Variants in AKAP3 observed in about 807,000 individuals in gnomAD.
AKAP3 encodes A-kinase anchoring protein 3, also known as A-kinase anchor protein 3.
In AKAP3, 27 loss-of-function variants were observed where a neutral mutation model predicts 57.2. That is an observed-to-expected ratio of 0.47 (90% CI 0.35 to 0.65). The LOEUF (loss-of-function observed/expected upper bound fraction) is 0.65, where lower values mean the gene tolerates loss of function less well. Ranked by LOEUF, AKAP3 falls within the 30% of genes least tolerant of loss-of-function variation. AKAP3 has a pLI of 0.01. For missense variants in AKAP3, 959 were observed against 1,040.0 expected (o/e 0.92, Z 1.07); for synonymous variants, 334 against 392.3 (o/e 0.85, Z 1.76).
rs749128877 is a variant in AKAP3, at chr12:4,627,360, C to A, written c.1542G>T (p.Glu514Asp). ...SLPPYPPEKP[E>D]NFMYDSDSWA... Reference sequence around the variant, plus strand: ...AGGAGTCTGAATCATACATAAAATTCTCAGGTTTCTCTGGAGGATATGGAG... The same window carrying A: ...AGGAGTCTGAATCATACATAAAATTATCAGGTTTCTCTGGAGGATATGGAG... Residue 514 changes from glutamate to aspartate, a missense_variant, in exon 5 of 6, where the codon GAG (glutamate) becomes GAT (aspartate). Physicochemically the swap from Glu to Asp is conservative, Grantham distance 45. Transcript: ENST00000228850. 1.3e-5 allele frequency: 21 copies of A among 1,613,960 alleles called. No homozygotes were observed. The East Asian group carries it at 4.2e-4, about 33-fold the overall frequency.
Position 4,625,888 on chromosome 12 carries a change from A to G in AKAP3, c.2406+608T>C, listed in dbSNP as rs1414873973. Among the ~76,000 whole-genome samples the G allele has an allele frequency of 1.3e-5, 2 of 152,152 alleles. No homozygotes were observed. Among genetic ancestry groups the G allele is most frequent in the Non-Finnish European group, 2.9e-5 (2 of 68,032 alleles). On this transcript the variant is annotated intron_variant, in intron 5 of 5. Transcript: ENST00000228850. This position sits in a 1 kb window ranked among gnomAD's most constrained non-coding sequence, Gnocchi z 5.4. The stretch of plus-strand genomic sequence containing the variant: ...TTACTGGGCACCTTGGGTGGAGGAC[A>G]AGAACTTATCAGGCACGTTTACCTT...
At chr12:4,634,536 A>T (rs1473769368) in intron 4 of AKAP3, among the ~76,000 whole-genome samples, 1 of 152,180 alleles carries the variant, frequency 6.6e-6, no homozygotes, top group Non-Finnish European at 1.5e-5. Flanking sequence ...CAAGCGAACA[A>T]AAGTCCCCTC....
In AKAP3 at chr12:4,628,734, G is replaced by A. The variant is rs61755981; in HGVS notation, c.168C>T (p.Phe56=). 4.8e-3 allele frequency: 7,806 copies of A among 1,614,168 alleles called. 29 individuals carry two copies. The highest frequency in any genetic ancestry group is 5.7e-3 in the Non-Finnish European group (6,784 of 1,180,010). The change falls in exon 5 of 6, where the codon TTC becomes TTT. Residue 56 remains phenylalanine, a synonymous_variant. Coordinates refer to ENST00000228850, the MANE Select transcript of AKAP3 (RefSeq NM_001278309.2). ...CTCCGGGTTTGAACCGAACATCTTGGAACTCTGCTGTACTCTTCTCCAGGT... is the reference window on the plus strand; with the variant it reads ...CTCCGGGTTTGAACCGAACATCTTGAAACTCTGCTGTACTCTTCTCCAGGT... ...RRDLEKSTAE[F]QDVRFKPGES...
chr12:4,635,629 C>A (rs760409456), intron 4 of AKAP3: 10 of 779,840 alleles, frequency 1.3e-5, no homozygotes, highest in Non-Finnish European at 1.8e-5. Context: ...GACATGCTTG[C>A]CTCTGAAGTT....
At chr12:4,632,766 G>A (rs58050359) in intron 4 of AKAP3, among the ~76,000 whole-genome samples, 2,678 of 152,072 alleles carry the variant, frequency 0.018, 82 homozygotes, top group South Asian at 0.11. Context: ...TCAGCCTCCC[G>A]AGTAGCTGGG....
intron 4 of AKAP3, among the ~76,000 whole-genome samples, chr12:4,632,891 C>T (rs1484193603): frequency 6.6e-6 from 1 of 152,128 alleles, no homozygotes; most frequent in South Asian, 2.1e-4. Context: ...CCGCCTGCCT[C>T]GGCCTCCCAA....
intron 5 of AKAP3, among the ~76,000 whole-genome samples, chr12:4,622,954 T>C (rs1013069432): frequency 3.3e-5 from 5 of 152,070 alleles, no homozygotes; most frequent in East Asian, 3.9e-4. Context: ...CATTAAAAAG[T>C]GGGCAAAGGA....
chr12:4,621,749 A>G (rs1037504137), intron 5 of AKAP3, among the ~76,000 whole-genome samples: 2 of 152,228 alleles, frequency 1.3e-5, no homozygotes, highest in Admixed American at 1.3e-4. Context: ...GCAATGCATG[A>G]GTGGACTAGA....
chr12:4,632,542 C>T (rs74367472), intron 4 of AKAP3, among the ~76,000 whole-genome samples: 14,311 of 152,210 alleles, frequency 0.094, 801 homozygotes, highest in South Asian at 0.15. Flanking sequence ...GCTTGTTTTC[C>T]TAGGGACTGC....
intron 4 of AKAP3, among the ~76,000 whole-genome samples, chr12:4,637,282 C>T (rs1282651225): frequency 1.3e-5 from 2 of 152,204 alleles, no homozygotes; most frequent in African/African-American, 4.8e-5. Context: ...GCATTGTCGA[C>T]AGAGGGTACT....
At position 4,627,271 on chromosome 12, in the gene AKAP3, C is replaced by T. The variant is rs1177629383; in HGVS notation, c.1631G>A (p.Arg544Lys). The change falls in exon 5 of 6, where the codon AGA becomes AAA. Residue 544 changes from arginine to lysine, a missense_variant. Arg to Lys is a conservative substitution (Grantham distance 26). Coordinates refer to ENST00000228850, the MANE Select transcript of AKAP3 (RefSeq NM_001278309.2). Reference sequence around the variant, plus strand: ...TTCAACGAAGCTCCGTGCATCCCTTCTTCCTCCCTGGGCCAGGTGATATTG... The same window carrying T: ...TTCAACGAAGCTCCGTGCATCCCTTTTTCCTCCCTGGGCCAGGTGATATTG... ...LIQYHLAQGG[R>K]RDARSFVEAA... The T allele has an allele frequency of 1.2e-6, 2 of 1,613,940 alleles. No individual in the cohort carries two copies. Among genetic ancestry groups the T allele is most frequent in the African/African-American group, 1.3e-5 (1 of 74,902 alleles).
Position 4,627,054 on chromosome 12 carries a change from C to G in AKAP3, c.1848G>C (p.Lys616Asn), listed in dbSNP as rs765117720. 1.2e-6 allele frequency: 2 copies of G among 1,613,988 alleles called. No individual in the cohort carries two copies. Among genetic ancestry groups the G allele is most frequent in the Non-Finnish European group, 1.7e-6 (2 of 1,179,912 alleles). ...IFKRDQSPEP[K>N]VPEQPVKEDR... ...CTTCCTTAACTGGCTGTTCCGGCAC[C>G]TTGGGTTCAGGGCTCTGGTCACGCT... Residue 616 changes from lysine to asparagine, a missense_variant, in exon 5 of 6, where the codon AAG becomes AAC. Physicochemically the swap from Lys to Asn is moderately conservative, Grantham distance 94. Coordinates refer to ENST00000228850, the MANE Select transcript of AKAP3 (RefSeq NM_001278309.2).
At chr12:4,647,508 G>GAA (rs912322094) in intron 1 of AKAP3, among the ~76,000 whole-genome samples, 1 of 141,382 alleles carries the variant, frequency 7.1e-6, no homozygotes, top group Non-Finnish European at 1.6e-5. Flanking sequence ...CCCCATCTCT[G>GAA]AAAAAAAAAA....
rs879906352 is a variant in AKAP3, at chr12:4,648,968, C to A, written c.-468G>T. On this transcript the variant is annotated 5_prime_UTR_variant, in exon 1 of 6. In the 5' UTR this introduces an upstream ATG that the reference lacks. Transcript: ENST00000228850. ...AGTCTTTTCACTTCCTTTCTTCCCCCTCTCCTTCACTTTCCCAGCTTTCTT... is the reference window on the plus strand; with the variant it reads ...AGTCTTTTCACTTCCTTTCTTCCCCATCTCCTTCACTTTCCCAGCTTTCTT... The A allele has an allele frequency of 1.3e-6, 1 of 754,068 alleles. No homozygotes were observed. The highest frequency in any genetic ancestry group is 2.7e-5 in the East Asian group (1 of 36,910). The allele number at this position is 754,068 out of a possible 1,614,324, so 46.7% of individuals were successfully genotyped here. A position where few individuals can be genotyped will look rare whatever the true frequency, so the allele number is the denominator to read the frequency against.
At position 4,631,949 on chromosome 12, in the gene AKAP3, G is replaced by A. The variant is rs968129390; in HGVS notation, c.97-3144C>T. Among the ~76,000 whole-genome samples the A allele has an allele frequency of 2.6e-5, 4 of 152,114 alleles. No homozygotes were observed. The East Asian group carries it at 7.7e-4, about 29-fold the overall frequency. ...AAAAGCCACATTACTTCTATTTAAT[G>A]TTTAAGATTATGAAAAATGTAAATT... On this transcript the variant is annotated intron_variant, in intron 4 of 5. Coordinates refer to ENST00000228850, the MANE Select transcript of AKAP3 (RefSeq NM_001278309.2).
In AKAP3 at chr12:4,615,855, T is replaced by C. The variant is rs1260015708; in HGVS notation, c.2446A>G (p.Ser816Gly). ...LSAAAVDKGC[S>G]VGEVLQSVLR... ...ACCGACTGCAGAACCTCGCCCACAC[T>C]GCATCCTTTGTCCACAGCAGCAGCT... Residue 816 changes from serine to glycine, a missense_variant, in exon 6 of 6, where the codon AGT becomes GGT. Coordinates refer to ENST00000228850, the MANE Select transcript of AKAP3 (RefSeq NM_001278309.2). 6.2e-7 allele frequency: 1 copy of C among 1,614,194 alleles called. No individual in the cohort carries two copies. The highest frequency in any genetic ancestry group is 8.5e-7 in the Non-Finnish European group (1 of 1,180,022).
chr12:4,631,122 T>C (rs1194522206), intron 4 of AKAP3, among the ~76,000 whole-genome samples: 2 of 152,182 alleles, frequency 1.3e-5, no homozygotes, highest in East Asian at 3.8e-4. Context: ...AGTTTTAATT[T>C]TCCTCTCTAC....
chr12:4,624,824 G>GTGTGTGTGTGTGTGTGTGTGTATATA (rs143324716), intron 5 of AKAP3, among the ~76,000 whole-genome samples: 3 of 140,996 alleles, frequency 2.1e-5, no homozygotes, highest in African/African-American at 7.8e-5. Context: ...GTGTGTGTGT[G>GTGTGTGTGTGTGTGTGTGTGTATATA]TATATAAAAG....
At chr12:4,643,988 G>A (rs1184378174) in intron 2 of AKAP3, among the ~76,000 whole-genome samples, 2 of 152,224 alleles carry the variant, frequency 1.3e-5, no homozygotes, top group East Asian at 1.9e-4. Context: ...AGAGGGAACA[G>A]TATGTTTCTC....
Sources: allele counts gnomAD v4.1 joint callset (sites outside exome capture counted in the v4.1 genomes callset), GRCh38; gene constraint gnomAD v4.1.1; non-coding constraint Gnocchi (gnomAD v3.1); transcripts MANE v1.5; gene names NCBI Gene and HGNC (gene_info 2026-07-23, HGNC 2026-07-21).